NCK1: variants seen among roughly 807,000 people sequenced by gnomAD.
NCK1 encodes SH2/SH3 adapter protein NCK1.
Under a neutral mutation model 36.6 loss-of-function variants are expected in NCK1, and 19 were observed. The observed-to-expected ratio is 0.52, with a 90% CI of 0.36 to 0.76. The LOEUF (loss-of-function observed/expected upper bound fraction) is 0.76. Ranked by LOEUF, NCK1 falls within the 30% of genes least tolerant of loss-of-function variation. NCK1 has a pLI of 0.00. For missense variants in NCK1, 358 were observed against 445.6 expected (o/e 0.80, Z 1.77); for synonymous variants, 165 against 156.0 (o/e 1.06, Z -0.43).
intron 1 of NCK1, among the ~76,000 whole-genome samples, chr3:136,894,707 C>G (rs974644924): frequency 3.9e-5 from 6 of 152,202 alleles, no homozygotes; most frequent in Non-Finnish European, 8.8e-5. Flanking sequence ...GTAAATCCTA[C>G]TTCCCCTGGA....
chr3:136,935,489 G>A (rs1940507088), intron 2 of NCK1, among the ~76,000 whole-genome samples: 1 of 152,078 alleles, frequency 6.6e-6, no homozygotes, highest in South Asian at 2.1e-4. Flanking sequence ...GTGATGTCAT[G>A]TGATTGCAGC....
At chr3:136,903,395 C>T (rs1939597927) in intron 1 of NCK1, among the ~76,000 whole-genome samples, 1 of 152,138 alleles carries the variant, frequency 6.6e-6, no homozygotes, top group Non-Finnish European at 1.5e-5. Flanking sequence ...GCTTTAAAAA[C>T]ATTTTAAAAA....
intron 1 of NCK1, among the ~76,000 whole-genome samples, chr3:136,863,409 T>C (rs1027759945): frequency 1.3e-5 from 2 of 152,192 alleles, no homozygotes; most frequent in Admixed American, 6.5e-5. Flanking sequence ...AACGGAGAAA[T>C]AACCTAAGAA....
At chr3:136,943,340 G>A (rs2108148906) in intron 2 of NCK1, among the ~76,000 whole-genome samples, 1 of 152,342 alleles carries the variant, frequency 6.6e-6, no homozygotes, top group South Asian at 2.1e-4. Flanking sequence ...TAGGAAGGAA[G>A]AAGTTGATTT....
At chr3:136,940,802 C>T (rs1451398672) in intron 2 of NCK1, among the ~76,000 whole-genome samples, 1 of 152,108 alleles carries the variant, frequency 6.6e-6, no homozygotes. Flanking sequence ...GCCTCGGCTT[C>T]CTAAAGTGCA....
chr3:136,921,224 A>G (rs976812154), intron 1 of NCK1, among the ~76,000 whole-genome samples: 83 of 152,354 alleles, frequency 5.4e-4, no homozygotes, highest in African/African-American at 1.8e-3. Context: ...CTGTATATAG[A>G]TAGCCAAACT....
At chr3:136,872,860 A>C (rs1038345138) in intron 1 of NCK1, among the ~76,000 whole-genome samples, 5 of 152,228 alleles carry the variant, frequency 3.3e-5, no homozygotes, top group Non-Finnish European at 7.3e-5. Context: ...TGATGCTGCA[A>C]GTGCACAGAA....
intron 2 of NCK1, among the ~76,000 whole-genome samples, chr3:136,936,855 T>G (rs535089270): frequency 3.9e-5 from 6 of 152,336 alleles, no homozygotes; most frequent in African/African-American, 1.4e-4. Flanking sequence ...AAGAGTTGTT[T>G]ATATGTTCTG....
chr3:136,862,817 G>T (rs1170668211), intron 1 of NCK1, among the ~76,000 whole-genome samples: 1 of 152,258 alleles, frequency 6.6e-6, no homozygotes, highest in Non-Finnish European at 1.5e-5. Flanking sequence ...GCGTCAGCCT[G>T]CGCGGTGCTG....
chr3:136,893,639 A>G (rs534016741), intron 1 of NCK1, among the ~76,000 whole-genome samples: 35 of 152,246 alleles, frequency 2.3e-4, no homozygotes, highest in African/African-American at 7.0e-4. Flanking sequence ...TTTTTAGTTT[A>G]AGTCCCATCT....
intron 1 of NCK1, among the ~76,000 whole-genome samples, chr3:136,896,896 A>G (rs1939405777): frequency 6.6e-6 from 1 of 151,862 alleles, no homozygotes. Context: ...CCTTTGATAT[A>G]CTGATTTCTT....
intron 1 of NCK1, among the ~76,000 whole-genome samples, chr3:136,882,446 C>G (rs187582678): frequency 7.2e-4 from 110 of 152,258 alleles, no homozygotes; most frequent in Admixed American, 7.2e-4. Flanking sequence ...CAGCACACAA[C>G]AGCCAGAGAA....
chr3:136,864,073 C>T (rs1938338074), intron 1 of NCK1, among the ~76,000 whole-genome samples: 1 of 151,482 alleles, frequency 6.6e-6, no homozygotes, highest in Non-Finnish European at 1.5e-5. Context: ...TGCACTCCAG[C>T]CTGGGCGACA....
At position 136,889,545 on chromosome 3, in the gene NCK1, G is replaced by C. The variant is rs577011367; in HGVS notation, c.-19+27192G>C. Among the ~76,000 whole-genome samples, 8 of 152,158 alleles carry C rather than the reference G, an allele frequency of 5.3e-5. No individual in the cohort carries two copies. The South Asian group carries it at 1.5e-3, about 28-fold the overall frequency. On this transcript the variant is annotated intron_variant, in intron 1 of 3. Coordinates refer to ENST00000481752, the MANE Select transcript of NCK1 (RefSeq NM_001291999.2). ...CCACAGTGTGGAAGGGGACCCGAGC[G>C]GGTTGCCACTGCTGGCTCGGGCAGC...
rs1446686378 is a variant in NCK1, at chr3:136,862,364, CT to C, written c.-19+13del. The C allele has an allele frequency of 6.5e-6, 1 of 152,712 alleles. No homozygotes were observed. The highest frequency in any genetic ancestry group is 6.5e-5 in the Admixed American group (1 of 15,292). 9.5% of individuals were successfully genotyped at this position (152,712 alleles called of 1,614,324 possible). A position where few individuals can be genotyped will look rare whatever the true frequency, so the allele number is the denominator to read the frequency against. On this transcript the variant is annotated intron_variant, in intron 1 of 3. Transcript: ENST00000481752. ...CTCGGCAGCGGGAAGGTGAGACGGC[CT>C]TGTTGGCAGGCAGACACACACACAC...
chr3:136,899,864 C>A, intron 1 of NCK1: 1 of 1,376,392 alleles, frequency 7.3e-7, no homozygotes, highest in Non-Finnish European at 1.0e-6. Flanking sequence ...CATCTAAAGC[C>A]ATCCTTTTTT....
At chr3:136,898,068 T>C (rs1463813311) in intron 1 of NCK1, among the ~76,000 whole-genome samples, 1 of 152,150 alleles carries the variant, frequency 6.6e-6, no homozygotes, top group Non-Finnish European at 1.5e-5. Context: ...TTTGCAGAAC[T>C]CTCATTTTAT....
chr3:136,874,950 A>T (rs1421639609), intron 1 of NCK1, among the ~76,000 whole-genome samples: 1 of 152,130 alleles, frequency 6.6e-6, no homozygotes, highest in African/African-American at 2.4e-5. Context: ...CTGATTCTTG[A>T]TTGTAAAAAT....
chr3:136,935,890 G>A lies in NCK1; in HGVS notation c.226+7663G>A, dbSNP rs541667360. ...TTACTAATCTGCTTTCTGTCTCTATGGATTTACCTATTCTGGATAATTTAT... is the reference window on the plus strand; with the variant it reads ...TTACTAATCTGCTTTCTGTCTCTATAGATTTACCTATTCTGGATAATTTAT... On this transcript the variant is annotated intron_variant, in intron 2 of 3. Coordinates refer to ENST00000481752, the MANE Select transcript of NCK1 (RefSeq NM_001291999.2). Among the ~76,000 whole-genome samples the A allele has an allele frequency of 5.9e-5, 9 of 152,070 alleles. No homozygotes were observed. In the South Asian group the frequency reaches 1.9e-3, roughly 32 times the overall value.
Sources: allele counts gnomAD v4.1 joint callset (sites outside exome capture counted in the v4.1 genomes callset), GRCh38; gene constraint gnomAD v4.1.1; transcripts MANE v1.5; gene names NCBI Gene and HGNC (gene_info 2026-07-23, HGNC 2026-07-21).